The following ARHGEF11 variants were observed in gnomAD, a reference collection of about 807,000 sequenced individuals.
ARHGEF11 encodes Rho guanine exchange factor (GEF) 11.
Under a neutral mutation model 193.7 loss-of-function variants are expected in ARHGEF11, and 55 were observed. The ratio of observed to expected loss-of-function variants is 0.28; its 90% CI spans 0.23 to 0.36. ARHGEF11 has a LOEUF of 0.36. ARHGEF11 is among the 10% of genes least tolerant of loss of function. The pLI, the probability that ARHGEF11 is intolerant of heterozygous loss-of-function variation, is 1.00. For missense variants in ARHGEF11, 1,723 were observed against 2,005.6 expected (o/e 0.86, Z 2.69); for synonymous variants, 693 against 768.0 (o/e 0.90, Z 1.62).
At chr1:156,987,881 G>A (rs1443766059) in intron 1 of ARHGEF11, among the ~76,000 whole-genome samples, 4 of 152,148 alleles carry the variant, frequency 2.6e-5, no homozygotes, top group African/African-American at 4.8e-5. Context: ...TGGTTGGTTC[G>A]AAGAAAAACC....
At chr1:156,937,205 G>T in intron 39 of ARHGEF11, 44 bp downstream of exon 39, 1 of 1,611,808 alleles carries the variant, frequency 6.2e-7, no homozygotes, top group South Asian at 1.1e-5. Context: ...GTTTTGGGGT[G>T]ATGGACTGAA....
At chr1:157,004,123 G>A (rs977982272) in intron 1 of ARHGEF11, among the ~76,000 whole-genome samples, 1 of 152,188 alleles carries the variant, frequency 6.6e-6, no homozygotes, top group African/African-American at 2.4e-5. Context: ...CTAGGTTTGG[G>A]ACACAGTTGA....
At chr1:156,954,021 A>G (rs141367746) in intron 21 of ARHGEF11, among the ~76,000 whole-genome samples, 86 of 152,328 alleles carry the variant, frequency 5.6e-4, no homozygotes, top group African/African-American at 1.9e-3. Context: ...GGAGACCCAT[A>G]CTTTACATAA....
chr1:156,964,170 A>G (rs11806313), intron 11 of ARHGEF11, among the ~76,000 whole-genome samples: 29,770 of 152,128 alleles, frequency 0.2, 3,034 homozygotes, highest in East Asian at 0.32. Flanking sequence ...TTGCCCGCTC[A>G]AGAATCTGTG....
At chr1:156,980,690 G>A (rs1016389656) in intron 3 of ARHGEF11, among the ~76,000 whole-genome samples, 10 of 152,130 alleles carry the variant, frequency 6.6e-5, no homozygotes, top group African/African-American at 1.9e-4. Context: ...CCCATCTCCT[G>A]CTCTTCCTTT....
chr1:156,969,887 G>C, intron 9 of ARHGEF11, 111 bp downstream of exon 9: 5 of 1,032,678 alleles, frequency 4.8e-6, no homozygotes, highest in Non-Finnish European at 5.9e-6. Context: ...TTTCTCAGAG[G>C]GCAGGCACTA....
chr1:156,951,747 T>C, intron 21 of ARHGEF11, 48 bp from the exon 22 acceptor site: 1 of 1,611,278 alleles, frequency 6.2e-7, no homozygotes, highest in East Asian at 2.2e-5. Context: ...TGTTCAGGGA[T>C]GGCTTCTCAG....
At chr1:157,008,851 T>C (rs1481067032) in intron 1 of ARHGEF11, among the ~76,000 whole-genome samples, 1 of 152,214 alleles carries the variant, frequency 6.6e-6, no homozygotes, top group African/African-American at 2.4e-5. Context: ...TGGGAGCCAA[T>C]GGTATCACCT....
chr1:157,010,645 C>T (rs1051731312), intron 1 of ARHGEF11, among the ~76,000 whole-genome samples: 17 of 151,992 alleles, frequency 1.1e-4, no homozygotes, highest in Non-Finnish European at 2.2e-4. Context: ...TGGCCTCAAG[C>T]GATCCTCCCA....
chr1:156,939,168 C>G (rs1656210147), intron 37 of ARHGEF11: 1 of 283,010 alleles, frequency 3.5e-6, no homozygotes, highest in Non-Finnish European at 6.7e-6. Context: ...CTTTCCCGGC[C>G]TGAGGCTCCT....
intron 3 of ARHGEF11, among the ~76,000 whole-genome samples, chr1:156,982,192 GT>G (rs905648559): frequency 5.1e-4 from 74 of 144,396 alleles, no homozygotes; most frequent in Admixed American, 5.5e-4. Flanking sequence ...ATAACTTAGT[GT>G]TTTTTTTTTT....
intron 1 of ARHGEF11, among the ~76,000 whole-genome samples, chr1:157,026,226 T>TA (rs1171911408): frequency 6.6e-6 from 1 of 152,224 alleles, no homozygotes; most frequent in Admixed American, 6.5e-5. Flanking sequence ...ACTTCAAAGT[T>TA]ACCACTTTGG....
chr1:157,010,035 C>G (rs1668362156), intron 1 of ARHGEF11, among the ~76,000 whole-genome samples: 1 of 152,118 alleles, frequency 6.6e-6, no homozygotes, highest in South Asian at 2.1e-4. Flanking sequence ...AGGTCAGCAA[C>G]AAGACAAGAA....
At position 156,955,849 on chromosome 1, in the gene ARHGEF11, C is replaced by T. The variant is rs114618799; in HGVS notation, c.1672-50G>A. The T allele has an allele frequency of 1.8e-3, 2,507 of 1,424,804 alleles. 28 individuals carry two copies. In the African/African-American group the frequency reaches 0.028, roughly 16 times the overall value. The allele number at this position is 1,424,804 out of a possible 1,614,324, so 88.3% of individuals were successfully genotyped here. On this transcript the variant is annotated intron_variant, in intron 19 of 40. Transcript: ENST00000368194. ...TTTGCAGGAGGTCCTGATACCCAGG[C>T]GTGGCTGCTAATCAATTCTGCCACT...
Position 156,937,370 on chromosome 1 carries a change from A to AGCTGAG in ARHGEF11, c.4313_4318dup (p.Pro1438_Gln1439dup), listed in dbSNP as rs775252703. Reference sequence around the variant, plus strand: ...TCTTGGATCATCGTTGCCTCCCTGCAGCTGAGGCTGAGGCTCTGTCTGCCC... The same window carrying AGCTGAG: ...TCTTGGATCATCGTTGCCTCCCTGCAGCTGAGGCTGAGGCTGAGGCTCTGTCTGCCC... On this transcript the variant is annotated inframe_insertion, in exon 39 of 41. Transcript: ENST00000368194. 5 of 1,610,872 alleles carry AGCTGAG rather than the reference A, an allele frequency of 3.1e-6. No individual in the cohort carries two copies. Among genetic ancestry groups the AGCTGAG allele is most frequent in the Non-Finnish European group, 4.2e-6 (5 of 1,178,494 alleles).
chr1:156,947,697 T>C, intron 25 of ARHGEF11, 72 bp downstream of exon 25: 2 of 1,549,544 alleles, frequency 1.3e-6, no homozygotes, highest in Non-Finnish European at 8.8e-7. Context: ...TTTCCCACCC[T>C]TGTGTCTTAG....
intron 28 of ARHGEF11, among the ~76,000 whole-genome samples, chr1:156,946,399 C>G (rs1345316106): frequency 6.6e-6 from 1 of 152,196 alleles, no homozygotes; most frequent in Non-Finnish European, 1.5e-5. Flanking sequence ...TGCTGCCATT[C>G]TATAGACAAG....
In ARHGEF11 at chr1:156,937,421, G is replaced by A; in HGVS notation, c.4268C>T (p.Pro1423Leu). 1 of 1,581,338 alleles carries A rather than the reference G, an allele frequency of 6.3e-7. No individual in the cohort carries two copies. Among genetic ancestry groups the A allele is most frequent in the Non-Finnish European group, 8.6e-7 (1 of 1,165,658 alleles). ...TGCAGGGAGGCTGTCAGGCTGAGGG[G>A]GGCTCATGGGTGCCTCTGAGTGGTC... ...STDHSEAPMS[P>L]PQPDSLPAGQ... Residue 1423 changes from proline (P) to leucine (L), a missense_variant, in exon 39 of 41, where the codon CCC (proline) becomes CTC (leucine). Around this residue, in one of 5 missense-constraint regions of ARHGEF11, gnomAD observed 360 missense variants for 344.4 expected, o/e 1.05. Coordinates refer to ENST00000368194, the MANE Select transcript of ARHGEF11 (RefSeq NM_198236.3).
At chr1:157,005,883 T>C (rs1033347066) in intron 1 of ARHGEF11, among the ~76,000 whole-genome samples, 1 of 152,218 alleles carries the variant, frequency 6.6e-6, no homozygotes, top group Non-Finnish European at 1.5e-5. Context: ...ATCAATATAC[T>C]TCTACATCTC....
Sources: gnomAD v4.1 joint callset for allele counts (sites outside exome capture counted in the v4.1 genomes callset) on GRCh38, gnomAD v4.1.1 for gene constraint, gnomAD v4.1.1 regional missense constraint, MANE v1.5 for transcripts, NCBI Gene and HGNC (gene_info 2026-07-23, HGNC 2026-07-21) for gene names.